Variants in ZNF7 observed in about 807,000 individuals in gnomAD.
The protein encoded by ZNF7 is zinc finger protein 7.
A neutral mutation model predicts 12.0 loss-of-function variants in ZNF7; 10 were observed. That is an observed-to-expected ratio of 0.83 (90% CI 0.51 to 1.42). The LOEUF (loss-of-function observed/expected upper bound fraction) is 1.42, where lower values mean the gene tolerates loss of function less well. ZNF7 is among the 40% of genes most tolerant of loss of function. ZNF7 has a pLI of 0.00. For missense variants in ZNF7, 854 were observed against 837.2 expected (o/e 1.02, Z -0.25); for synonymous variants, 334 against 295.0 (o/e 1.13, Z -1.35).
intron 1 of ZNF7, chr8:144,828,754 G>A: frequency 2.4e-6 from 1 of 423,268 alleles, no homozygotes; most frequent in Admixed American, 3.6e-5. Flanking sequence ...CAGGGTCCTC[G>A]TGTCCACTAC....
At chr8:144,843,816 A>G (rs1266491321), downstream of ZNF7, 1 of 152,116 alleles carries the variant, frequency 6.6e-6, no homozygotes, top group Non-Finnish European at 1.5e-5. Flanking sequence ...TTTTCCCTTA[A>G]GTATCAGTGG....
intron 2 of ZNF7, 123 bp downstream of exon 2, chr8:144,829,213 C>T (rs1828147645): frequency 1.9e-6 from 3 of 1,569,098 alleles, no homozygotes; most frequent in Non-Finnish European, 2.6e-6. Context: ...GGCCCCCTTG[C>T]CCCCAACCCC....
At chr8:144,828,951 G>A (rs138955182) in intron 1 of ZNF7, 92 bp from the exon 2 acceptor site, 3 of 1,496,112 alleles carry the variant, frequency 2.0e-6, no homozygotes, top group Admixed American at 4.0e-5. Context: ...GGGGCTGGAG[G>A]TAAAGGAGCA....
chr8:144,845,858 T>G, downstream of ZNF7: 1 of 920,608 alleles, frequency 1.1e-6, no homozygotes, highest in Non-Finnish European at 1.6e-6. Flanking sequence ...GGAGTATGTG[T>G]GCAGTGTCCC....
downstream of ZNF7, chr8:144,845,839 T>C (rs1305486009): frequency 1.5e-5 from 12 of 774,890 alleles, no homozygotes; most frequent in Non-Finnish European, 2.2e-5. Flanking sequence ...CCGGAACTTC[T>C]GTGCACGTGG....
chr8:144,837,658 G>T lies in ZNF7; in HGVS notation c.247+151G>T, dbSNP rs1259275312. ...GGGAAGCAGCATCCAGCACCTAGAA[G>T]GGAGCATAGACCCGTTGTGGGGCTG... On this transcript the variant is annotated intron_variant, in intron 4 of 4. Coordinates refer to ENST00000532777, the MANE Select transcript of ZNF7 (RefSeq NM_003416.4). The T allele has an allele frequency of 1.8e-5, 11 of 603,002 alleles. No homozygotes were observed. The Admixed American group carries it at 3.3e-4, about 18-fold the overall frequency. The allele number at this position is 603,002 out of a possible 1,614,324, so 37.4% of individuals were successfully genotyped here. A position where few individuals can be genotyped will look rare whatever the true frequency, so the allele number is the denominator to read the frequency against.
rs1277712284 is a variant in ZNF7, at chr8:144,829,560, A to G, written c.86A>G (p.Tyr29Cys). ...CTGGACCCTGGCCAGAGGGCCCTCT[A>G]CAGGGAAGTGATGCTGGAGAACCAC... is the stretch of plus-strand genomic sequence containing the variant. ...QCLDPGQRAL[Y>C]REVMLENHSS... Residue 29 changes from tyrosine to cysteine, a missense_variant, in exon 3 of 5, where the codon TAC becomes TGC. Coordinates refer to ENST00000532777, the MANE Select transcript of ZNF7 (RefSeq NM_003416.4). 2.5e-6 allele frequency: 4 copies of G among 1,613,832 alleles called. No individual in the cohort carries two copies. The highest frequency in any genetic ancestry group is 4.5e-5 in the East Asian group (2 of 44,890).
At chr8:144,839,092 T>G in intron 4 of ZNF7, among the ~76,000 whole-genome samples, 1 of 4,762 alleles carries the variant, frequency 2.1e-4, no homozygotes, top group Non-Finnish European at 5.0e-4. Flanking sequence ...CTTACTTCCA[T>G]TCATATGCGC....
intron 1 of ZNF7, among the ~76,000 whole-genome samples, chr8:144,828,259 T>A (rs896067058): frequency 5.9e-5 from 9 of 152,022 alleles, no homozygotes; most frequent in African/African-American, 2.2e-4. Context: ...GGGTCTGGGG[T>A]CATTGGCTTA....
chr8:144,837,384 C>A lies in ZNF7; in HGVS notation c.131-7C>A. The A allele has an allele frequency of 6.2e-7, 1 of 1,602,402 alleles. No individual in the cohort carries two copies. The highest frequency in any genetic ancestry group is 8.5e-7 in the Non-Finnish European group (1 of 1,170,750). On this transcript the variant is annotated splice_polypyrimidine_tract_variant and splice_region_variant and intron_variant, in intron 3 of 4. Coordinates refer to ENST00000532777, the MANE Select transcript of ZNF7 (RefSeq NM_003416.4). ...TGACACTGTTGTCTTCTCTGCCGCA[C>A]ACACAGCAGGATTCCTGGTTTTCAA...
At chr8:144,829,750 A>T in intron 3 of ZNF7, 146 bp downstream of exon 3, 1 of 1,108,730 alleles carries the variant, frequency 9.0e-7, no homozygotes, top group Non-Finnish European at 1.2e-6. Context: ...GTGGTGTGCC[A>T]GGCTGGTTCC....
intron 3 of ZNF7, among the ~76,000 whole-genome samples, chr8:144,831,261 C>T (rs761783036): frequency 3.3e-5 from 5 of 152,174 alleles, no homozygotes; most frequent in Admixed American, 1.3e-4. Context: ...CTATTTATAA[C>T]GTCCTGCTGC....
At chr8:144,829,954 A>G (rs1364483464) in intron 3 of ZNF7, 1 of 173,048 alleles carries the variant, frequency 5.8e-6, no homozygotes, top group South Asian at 1.7e-4. Context: ...AAGAGGTGGC[A>G]GCGACGCCCA....
chr8:144,843,337 C>G lies in ZNF7; in HGVS notation c.*169C>G, dbSNP rs1345259191. The G allele has an allele frequency of 1.8e-5, 15 of 814,198 alleles. No homozygotes were observed. The highest frequency in any genetic ancestry group is 6.7e-5 in the Admixed American group (2 of 29,756). 50.4% of individuals were successfully genotyped at this position (814,198 alleles called of 1,614,324 possible). Reference sequence around the variant, plus strand: ...GAGTGTGGTGGCTTATGCCTGTCATCCCAGCACTTTGGGAGGCCAAGGCGG... The same window carrying G: ...GAGTGTGGTGGCTTATGCCTGTCATGCCAGCACTTTGGGAGGCCAAGGCGG... On this transcript the variant is annotated 3_prime_UTR_variant, in exon 5 of 5. Coordinates refer to ENST00000532777, the MANE Select transcript of ZNF7 (RefSeq NM_003416.4).
chr8:144,839,371 C>T lies in ZNF7; in HGVS notation c.247+1864C>T, dbSNP rs137948857. On this transcript the variant is annotated intron_variant, in intron 4 of 4. Coordinates refer to ENST00000532777, the MANE Select transcript of ZNF7 (RefSeq NM_003416.4). ...AGGAACCCTGGCCTCACTGGCTCTG[C>T]TGGCTACTCCCATGTGATCCTTTCT... Among the ~76,000 whole-genome samples the T allele has an allele frequency of 1.9e-3, 293 of 152,370 alleles. 2 individuals are homozygous for T. Among genetic ancestry groups the T allele is most frequent in the African/African-American group, 6.8e-3 (284 of 41,590 alleles).
In ZNF7 at chr8:144,837,490, C is replaced by T; in HGVS notation, c.230C>T (p.Pro77Leu). Reference sequence around the variant, plus strand: ...CAGGGAGCAGAGGGGACAGAGGCACCAAGGACCTCCAAGACAGGTGAGGCT... The same window carrying T: ...CAGGGAGCAGAGGGGACAGAGGCACTAAGGACCTCCAAGACAGGTGAGGCT... ...DLQGAEGTEAPRTSKTDSTIR... is the reference protein window; with the variant it reads ...DLQGAEGTEALRTSKTDSTIR... Residue 77 changes from proline (P) to leucine (L), a missense_variant, in exon 4 of 5, where the codon CCA becomes CTA. Coordinates refer to ENST00000532777, the MANE Select transcript of ZNF7 (RefSeq NM_003416.4). 1.9e-6 allele frequency: 3 copies of T among 1,609,858 alleles called. No individual in the cohort carries two copies. Among genetic ancestry groups the T allele is most frequent in the South Asian group, 2.2e-5 (2 of 90,884 alleles).
chr8:144,829,049 C>T lies in ZNF7; in HGVS notation c.-39C>T, dbSNP rs777546774. 30 of 1,613,702 alleles carry T rather than the reference C, an allele frequency of 1.9e-5. 1 individual carries two copies. In the South Asian group the frequency reaches 2.2e-4, roughly 12 times the overall value. ...CTTTCATAATTGCCAACAGGTCTCT[C>T]GGCCAGAACACGTGGATGCCCACCC... is the stretch of plus-strand genomic sequence containing the variant. On this transcript the variant is annotated 5_prime_UTR_variant, in exon 2 of 5. Coordinates refer to ENST00000532777, the MANE Select transcript of ZNF7 (RefSeq NM_003416.4).
chr8:144,839,815 C>T (rs553411045), intron 4 of ZNF7, among the ~76,000 whole-genome samples: 8 of 152,358 alleles, frequency 5.3e-5, no homozygotes, highest in East Asian at 1.9e-4. Context: ...AGTGGAGGAG[C>T]GGCCAGGTCC....
chr8:144,842,297 GT>G lies in ZNF7; in HGVS notation c.1191del (p.Pro398GlnfsTer12), dbSNP rs748264027. 1 of 1,614,030 alleles carries G rather than the reference GT, an allele frequency of 6.2e-7. No individual in the cohort carries two copies. Among genetic ancestry groups the G allele is most frequent in the Middle Eastern group, 1.6e-4 (1 of 6,062 alleles). ...GCTCAAATTCTAAAAGCCTCAGACA[GT>G]CCAAGCCTTGTTGCACATCAGAGAA... ...EKAQILKASD[S>X]PSLVAHQRIH... On this transcript the variant is annotated frameshift_variant, in exon 5 of 5. Coordinates refer to ENST00000532777, the MANE Select transcript of ZNF7 (RefSeq NM_003416.4). LOFTEE classifies it low-confidence loss of function (END_TRUNC).
Sources: gnomAD v4.1 joint callset for allele counts (sites outside exome capture counted in the v4.1 genomes callset) on GRCh38, gnomAD v4.1.1 for gene constraint, MANE v1.5 for transcripts, NCBI Gene and HGNC (gene_info 2026-07-23, HGNC 2026-07-21) for gene names.